Variants in CSMD1 observed in about 807,000 individuals in gnomAD.
CSMD1 encodes CUB and sushi domain-containing protein 1.
Under a neutral mutation model 417.5 loss-of-function variants are expected in CSMD1, and 213 were observed. That is an observed-to-expected ratio of 0.51 (90% CI 0.46 to 0.57). The LOEUF (loss-of-function observed/expected upper bound fraction) is 0.57, where lower values mean the gene tolerates loss of function less well. CSMD1 is among the 20% of genes least tolerant of loss of function. The pLI, the probability that CSMD1 is intolerant of heterozygous loss-of-function variation, is 0.00. For synonymous variants in CSMD1, 2,862 were observed against 1,736.8 expected, an observed-to-expected ratio of 1.65 and a Z score of -16.11; for missense variants, 6,923 against 4,529.7, an observed-to-expected ratio of 1.53 and a Z score of -15.17.
At chr8:3,911,149 C>A (rs577861148) in intron 5 of CSMD1, among the ~76,000 whole-genome samples, 20 of 152,274 alleles carry the variant, frequency 1.3e-4, no homozygotes, top group East Asian at 3.9e-4. Flanking sequence ...AAAGAGCTCT[C>A]AGAAAATCAT....
intron 2 of CSMD1, among the ~76,000 whole-genome samples, chr8:4,522,301 G>C (rs1803500977): frequency 6.6e-6 from 1 of 152,098 alleles, no homozygotes; most frequent in South Asian, 2.1e-4. Context: ...TAATTGTGAG[G>C]CCTCCCCAGC....
At chr8:4,086,037 CA>C (rs1216070019) in intron 3 of CSMD1, among the ~76,000 whole-genome samples, 1 of 152,104 alleles carries the variant, frequency 6.6e-6, no homozygotes, top group Non-Finnish European at 1.5e-5. Flanking sequence ...CTGTTTTCAA[CA>C]AAAAATAGAT....
At chr8:3,498,931 C>G (rs565140228) in intron 10 of CSMD1, among the ~76,000 whole-genome samples, 39 of 152,230 alleles carry the variant, frequency 2.6e-4, no homozygotes, top group Non-Finnish European at 4.6e-4. Flanking sequence ...TTTTATTCTA[C>G]TGATTCTCAC....
intron 2 of CSMD1, among the ~76,000 whole-genome samples, chr8:4,504,929 G>A (rs925636597): frequency 6.6e-6 from 1 of 152,172 alleles, no homozygotes; most frequent in African/African-American, 2.4e-5. Context: ...TGTAAACAGT[G>A]CTGCAGTAAA....
intron 3 of CSMD1, among the ~76,000 whole-genome samples, chr8:4,089,269 G>A (rs192700696): frequency 2.4e-4 from 36 of 152,248 alleles, no homozygotes; most frequent in African/African-American, 8.2e-4. Flanking sequence ...TTTTCTCCAG[G>A]AATTAGTGGG....
intron 3 of CSMD1, among the ~76,000 whole-genome samples, chr8:4,409,266 T>C (rs1045743705): frequency 6.6e-6 from 1 of 152,216 alleles, no homozygotes; most frequent in African/African-American, 2.4e-5. Flanking sequence ...TTCCTACTTA[T>C]TTCCAGTGTT....
rs528956126 is a variant in CSMD1 at position 4,281,363 on chromosome 8, G to C, written c.415+138590C>G. Among the ~76,000 whole-genome samples the C allele has an allele frequency of 2.1e-3, 326 of 152,268 alleles. 1 individual carries two copies. Among genetic ancestry groups the C allele is most frequent in the African/African-American group, 7.5e-3 (311 of 41,558 alleles). On this transcript the variant is annotated intron_variant, in intron 3 of 69. Coordinates refer to ENST00000635120, the MANE Select transcript of CSMD1 (RefSeq NM_033225.6). ...CCACAGAGTAAGATGACGGCATAAG[G>C]TCTTTGCATAAACCAGTGGTTTTTC...
intron 2 of CSMD1, among the ~76,000 whole-genome samples, chr8:4,634,891 G>A (rs1215033901): frequency 1.3e-5 from 2 of 152,090 alleles, no homozygotes; most frequent in Non-Finnish European, 2.9e-5. Context: ...GTAACACTCA[G>A]TAGTCATTGG....
chr8:4,782,333 GTATC>G (rs1418731995), intron 1 of CSMD1, among the ~76,000 whole-genome samples: 1 of 152,156 alleles, frequency 6.6e-6, no homozygotes, highest in African/African-American at 2.4e-5. Context: ...ATAACACAAT[GTATC>G]TAAGCATTAA....
intron 11 of CSMD1, among the ~76,000 whole-genome samples, chr8:3,485,640 A>T (rs1010774938): frequency 1.3e-5 from 2 of 151,836 alleles, no homozygotes; most frequent in African/African-American, 4.8e-5. Context: ...CATGCTGGTT[A>T]TCCCAGCTAC....
chr8:3,158,197 G>C lies in CSMD1; in HGVS notation c.5845-231C>G, dbSNP rs372782754. Among the ~76,000 whole-genome samples, 52 of 152,170 alleles carry C rather than the reference G, an allele frequency of 3.4e-4. 1 individual carries two copies. The South Asian group carries it at 0.01, about 30-fold the overall frequency. On this transcript the variant is annotated intron_variant, in intron 38 of 69. Transcript: ENST00000635120. ...TTCTTTCTACTAAAAACAAAATCTT[G>C]CAATGTCCTTTTGACCAGACCATAA...
chr8:4,668,843 T>A (rs552383582), intron 1 of CSMD1, among the ~76,000 whole-genome samples: 2 of 152,302 alleles, frequency 1.3e-5, no homozygotes, highest in East Asian at 3.9e-4. Flanking sequence ...TTATCCTCTC[T>A]CTACCATGTT....
chr8:3,307,657 C>T (rs755900241), intron 25 of CSMD1, 38 bp downstream of exon 25: 4 of 1,601,752 alleles, frequency 2.5e-6, no homozygotes, highest in South Asian at 1.1e-5. Context: ...AGGCATATCT[C>T]TTTTCTCAAA....
intron 1 of CSMD1, among the ~76,000 whole-genome samples, chr8:4,722,111 T>C (rs1809098345): frequency 6.6e-6 from 1 of 151,982 alleles, no homozygotes; most frequent in Non-Finnish European, 1.5e-5. Flanking sequence ...AAACTATAGG[T>C]AATAGTGTTA....
intron 2 of CSMD1, among the ~76,000 whole-genome samples, chr8:4,522,792 C>T (rs905000961): frequency 6.6e-6 from 1 of 152,120 alleles, no homozygotes; most frequent in Admixed American, 6.5e-5. Flanking sequence ...AGTGATGTGG[C>T]AAGGACTGCA....
intron 3 of CSMD1, among the ~76,000 whole-genome samples, chr8:4,306,996 G>A (rs144473051): frequency 5.9e-4 from 89 of 152,042 alleles, no homozygotes; most frequent in African/African-American, 2.0e-3. Flanking sequence ...ATCTGTCACC[G>A]CCCTGGTTCA....
At chr8:3,836,184 T>C (rs1355135143) in intron 5 of CSMD1, among the ~76,000 whole-genome samples, 1 of 152,182 alleles carries the variant, frequency 6.6e-6, no homozygotes, top group Middle Eastern at 3.2e-3. Flanking sequence ...TTATAGATTT[T>C]TCCACTTGTT....
chr8:3,188,754 A>T (rs1265916644), intron 35 of CSMD1, 133 bp downstream of exon 35: 3 of 588,232 alleles, frequency 5.1e-6, no homozygotes, highest in Non-Finnish European at 2.6e-6. Context: ...TATTTAAAAT[A>T]ACCAGTATAA....
chr8:4,891,245 A>C (rs1365247676), intron 1 of CSMD1, among the ~76,000 whole-genome samples: 1 of 152,124 alleles, frequency 6.6e-6, no homozygotes, highest in Non-Finnish European at 1.5e-5. Context: ...TGTGCAAATA[A>C]TTGTACCTAT....
Sources: allele counts gnomAD v4.1 joint callset (sites outside exome capture counted in the v4.1 genomes callset), GRCh38; gene constraint gnomAD v4.1.1; transcripts MANE v1.5; gene names NCBI Gene and HGNC (gene_info 2026-07-23, HGNC 2026-07-21).